ABTB3: variants seen among roughly 807,000 people sequenced by gnomAD.
ABTB3 encodes the protein ankyrin repeat- and BTB/POZ domain-containing protein 3.
At chr12:107,337,233 G>T in the ABTB3 span, among the ~76,000 whole-genome samples, 5 of 152,364 alleles carry the variant, frequency 3.3e-5, no homozygotes, top group South Asian at 6.2e-4. Flanking sequence ...CTGAGAACCA[G>T]GGGGATTAAT....
chr12:107,347,941 C>G, the ABTB3 span, among the ~76,000 whole-genome samples: 1 of 151,930 alleles, frequency 6.6e-6, no homozygotes, highest in Non-Finnish European at 1.5e-5. Context: ...GAAGGAGGAG[C>G]CCAGAGATGG....
At chr12:107,565,760 C>T in the ABTB3 span, among the ~76,000 whole-genome samples, 11 of 152,214 alleles carry the variant, frequency 7.2e-5, no homozygotes, top group Non-Finnish European at 1.3e-4. Context: ...GAGGGAGGGA[C>T]TTCAGGATTC....
the ABTB3 span, among the ~76,000 whole-genome samples, chr12:107,447,942 G>C: frequency 6.6e-6 from 1 of 152,208 alleles, no homozygotes; most frequent in Admixed American, 6.5e-5. Flanking sequence ...GCGGCTCAGG[G>C]TGTTTTACTC....
At chr12:107,345,377 T>C in the ABTB3 span, among the ~76,000 whole-genome samples, 1 of 152,148 alleles carries the variant, frequency 6.6e-6, no homozygotes, top group Admixed American at 6.5e-5. Context: ...TTTTATAGGA[T>C]TTGCCCAGCA....
the ABTB3 span, among the ~76,000 whole-genome samples, chr12:107,655,256 A>AATATATATAT: frequency 4.6e-4 from 69 of 148,860 alleles, no homozygotes; most frequent in Middle Eastern, 3.5e-3. Context: ...GCCTCTTTCA[A>AATATATATAT]ATATATATAT....
chr12:107,533,530 G>A, the ABTB3 span, among the ~76,000 whole-genome samples: 17 of 152,264 alleles, frequency 1.1e-4, 1 homozygote, highest in East Asian at 2.9e-3. Flanking sequence ...AAGAGACAAA[G>A]AAGGTCATTA....
At chr12:107,632,949 C>T in the ABTB3 span, among the ~76,000 whole-genome samples, 22 of 152,266 alleles carry the variant, frequency 1.4e-4, no homozygotes, top group Non-Finnish European at 2.9e-4. Context: ...TCAAGTCCTT[C>T]TCAGACTGGG....
At chr12:107,394,287 T>A in the ABTB3 span, among the ~76,000 whole-genome samples, 2 of 152,182 alleles carry the variant, frequency 1.3e-5, no homozygotes, top group African/African-American at 2.4e-5. Context: ...GAGTAATAGA[T>A]GAGAGAGTTC....
chr12:107,630,256 C>T, the ABTB3 span, among the ~76,000 whole-genome samples: 3 of 152,140 alleles, frequency 2.0e-5, no homozygotes, highest in Non-Finnish European at 2.9e-5. Context: ...CAGTGCTTGG[C>T]ATTTAGTAGA....
At chr12:107,433,014 G>C in the ABTB3 span, among the ~76,000 whole-genome samples, 1 of 152,100 alleles carries the variant, frequency 6.6e-6, no homozygotes. Context: ...GGCCGGGCGC[G>C]GTGGCTCACG....
the ABTB3 span, among the ~76,000 whole-genome samples, chr12:107,443,154 T>C: frequency 6.6e-6 from 1 of 152,124 alleles, no homozygotes; most frequent in South Asian, 2.1e-4. Flanking sequence ...GGGGAGGACA[T>C]GACATTTATA....
chr12:107,562,566 C>T, the ABTB3 span, among the ~76,000 whole-genome samples: 2 of 152,210 alleles, frequency 1.3e-5, no homozygotes, highest in Non-Finnish European at 2.9e-5. Flanking sequence ...CCAAGGTGGG[C>T]AGGGTCAGAT....
the ABTB3 span, among the ~76,000 whole-genome samples, chr12:107,588,773 G>A: frequency 3.9e-5 from 6 of 152,218 alleles, 1 homozygote; most frequent in South Asian, 1.0e-3. Context: ...CACACACCTC[G>A]GCCTCCCAAA....
At chr12:107,490,244 G>A in the ABTB3 span, among the ~76,000 whole-genome samples, 1 of 152,154 alleles carries the variant, frequency 6.6e-6, no homozygotes, top group East Asian at 1.9e-4. Context: ...CTGTGGGTTT[G>A]CACTTGCACA....
At chr12:107,634,586 T>C in the ABTB3 span, among the ~76,000 whole-genome samples, 39 of 152,298 alleles carry the variant, frequency 2.6e-4, no homozygotes, top group African/African-American at 8.9e-4. Context: ...TTTCCTCCGA[T>C]ACACCTGAAG....
the ABTB3 span, among the ~76,000 whole-genome samples, chr12:107,455,061 C>G: frequency 6.6e-6 from 1 of 152,200 alleles, no homozygotes; most frequent in Non-Finnish European, 1.5e-5. Flanking sequence ...GGAGTTAGCA[C>G]CTGCTACACA....
chr12:107,351,959 T>C, the ABTB3 span, among the ~76,000 whole-genome samples: 2 of 152,192 alleles, frequency 1.3e-5, no homozygotes, highest in Admixed American at 1.3e-4. Context: ...CCTGTGTGTC[T>C]ACCAATGGCA....
the ABTB3 span, among the ~76,000 whole-genome samples, chr12:107,563,662 A>G: frequency 6.6e-6 from 1 of 152,168 alleles, no homozygotes; most frequent in Non-Finnish European, 1.5e-5. Context: ...TATTGTGGTT[A>G]TGGAGGGCTC....
the ABTB3 span, among the ~76,000 whole-genome samples, chr12:107,639,050 G>T: frequency 6.6e-6 from 1 of 152,196 alleles, no homozygotes; most frequent in Non-Finnish European, 1.5e-5. Context: ...AAGGCTTACT[G>T]ACCAAGGGTG....
Sources: allele counts gnomAD v4.1 joint callset (sites outside exome capture counted in the v4.1 genomes callset), GRCh38; gene constraint gnomAD v4.1.1; transcripts MANE v1.5; gene names NCBI Gene and HGNC (gene_info 2026-07-23, HGNC 2026-07-21).